MYH7: variants seen among roughly 807,000 people sequenced by gnomAD.
MYH7 encodes the protein myosin-7.
In MYH7, 129 loss-of-function variants were observed where a neutral mutation model predicts 225.4. The ratio of observed to expected loss-of-function variants is 0.57; its 90% CI spans 0.50 to 0.66. The LOEUF (loss-of-function observed/expected upper bound fraction) is 0.66. MYH7 is among the 30% of genes least tolerant of loss of function. The pLI is 0.00. For synonymous variants in MYH7, 971 were observed against 1,007.6 expected, an observed-to-expected ratio of 0.96 and a Z score of 0.69; for missense variants, 1,649 against 2,517.0, an observed-to-expected ratio of 0.66 and a Z score of 7.38.
intron 37 of MYH7, among the ~76,000 whole-genome samples, chr14:23,414,683 G>A (rs909845182): frequency 2.0e-5 from 3 of 152,106 alleles, no homozygotes; most frequent in Admixed American, 1.3e-4. Flanking sequence ...GGTGTCTTTT[G>A]GGGGTGACCC....
At chr14:23,432,368 G>C (rs1236476001) in intron 6 of MYH7, 111 bp downstream of exon 6, 22 of 1,360,012 alleles carry the variant, frequency 1.6e-5, no homozygotes, top group Non-Finnish European at 2.2e-5. Flanking sequence ...ATGGGCACGA[G>C]GTTGGGGGGA....
intron 39 of MYH7, among the ~76,000 whole-genome samples, chr14:23,413,386 G>A (rs544339056): frequency 6.6e-6 from 1 of 152,172 alleles, no homozygotes; most frequent in East Asian, 1.9e-4. Flanking sequence ...AGACCAGCCT[G>A]GCCAACATGG....
chr14:23,415,808 C>T lies in MYH7; in HGVS notation c.4978G>A (p.Ala1660Thr). The T allele has an allele frequency of 6.2e-7, 1 of 1,614,232 alleles. No homozygotes were observed. Among genetic ancestry groups the T allele is most frequent in the Non-Finnish European group, 8.5e-7 (1 of 1,180,052 alleles). Residue 1660 changes from alanine (A) to threonine (T), a missense_variant, in exon 35 of 40, where the codon GCA (alanine) becomes ACA (threonine). Coordinates refer to ENST00000355349, the MANE Select transcript of MYH7 (RefSeq NM_000257.4). This position sits in a 1 kb window ranked among gnomAD's most constrained non-coding sequence, Gnocchi z 6.3. ...LKDTQIQLDD[A>T]VRANDDLKEN... ...TTCAGGTCGTCGTTGGCACGGACTG[C>T]ATCGTCCAGCTGAATCTGGGTGTCC... is the stretch of plus-strand genomic sequence containing the variant.
intron 25 of MYH7, chr14:23,421,796 C>T (rs1398685808): frequency 1.0e-6 from 1 of 985,374 alleles, no homozygotes; most frequent in Non-Finnish European, 1.2e-6. Flanking sequence ...TTTCTTGGTG[C>T]CCTGTGGGCT....
Position 23,416,151 on chromosome 14 carries a change from G to A in MYH7, c.4806C>T (p.Asp1602=), listed in dbSNP as rs142034311. 6.6e-4 allele frequency: 1,056 copies of A among 1,599,966 alleles called. 1 individual carries two copies. Among genetic ancestry groups the A allele is most frequent in the African/African-American group, 3.4e-3 (239 of 70,218 alleles). ...CCTCGTTGCGGCTGCGTGTCTCTGC[G>A]TCCAGGGAGGTCTGCAGCGAGTCCA... ...RVVDSLQTSL[D]AETRSRNEAL... is the part of the protein sequence containing the mutation. Residue 1602 remains aspartate (D), a synonymous_variant, in exon 34 of 40, where the codon GAC becomes GAT. Coordinates refer to ENST00000355349, the MANE Select transcript of MYH7 (RefSeq NM_000257.4).
rs113859723 is a variant in MYH7 at position 23,422,178 on chromosome 14, A to C, written c.3245+2T>G. 34 of 1,612,582 alleles carry C rather than the reference A, an allele frequency of 2.1e-5. No individual in the cohort carries two copies. Among genetic ancestry groups the C allele is most frequent in the Non-Finnish European group, 2.9e-5 (34 of 1,180,022 alleles). On this transcript the variant is annotated splice_donor_variant, in intron 25 of 39. Coordinates refer to ENST00000355349, the MANE Select transcript of MYH7 (RefSeq NM_000257.4). LOFTEE classifies it high-confidence loss of function. ...AAGGGCAGCAGGGAGGGGACACAGT[A>C]CTTTTTCAGCCGCTCATCCAGCTGC...
rs1892426856 is a variant in MYH7, at chr14:23,420,298, T to G, written c.3337-64A>C. Reference sequence around the variant, plus strand: ...CCCTCCACTGGAATCCCCCCGGCTCTAAAAGGCTCTCGGCTTCTCTGGAAC... The same window carrying G: ...CCCTCCACTGGAATCCCCCCGGCTCGAAAAGGCTCTCGGCTTCTCTGGAAC... On this transcript the variant is annotated intron_variant, in intron 26 of 39. Coordinates refer to ENST00000355349, the MANE Select transcript of MYH7 (RefSeq NM_000257.4). 12 of 1,578,660 alleles carry G rather than the reference T, an allele frequency of 7.6e-6. No homozygotes were observed. The South Asian group carries it at 1.1e-4, about 15-fold the overall frequency.
chr14:23,432,242 A>G (rs1892975317), intron 6 of MYH7, among the ~76,000 whole-genome samples: 1 of 152,190 alleles, frequency 6.6e-6, no homozygotes, highest in Admixed American at 6.5e-5. Flanking sequence ...TAAACGCGTG[A>G]TGAGTTGGAG....
In MYH7 at chr14:23,433,223, A is replaced by G; in HGVS notation, c.206T>C (p.Val69Ala). The G allele has an allele frequency of 6.2e-7, 1 of 1,614,122 alleles. No homozygotes were observed. Among genetic ancestry groups the G allele is most frequent in the Non-Finnish European group, 8.5e-7 (1 of 1,180,016 alleles). Reference sequence around the variant, plus strand: ...CATCACCTGGTCCTCCTTCACGGTCACTGTCTGCAAGAGCCCCCACCCAAG... The same window carrying G: ...CATCACCTGGTCCTCCTTCACGGTCGCTGTCTGCAAGAGCCCCCACCCAAG... The part of the protein sequence containing the change: ...VTAETEYGKT[V>A]TVKEDQVMQQ... Residue 69 changes from valine (V) to alanine (A), a missense_variant, in exon 4 of 40, where the codon GTG (valine) becomes GCG (alanine). Physicochemically the swap from Val to Ala is moderately conservative, Grantham distance 64 (BLOSUM62 0). Around this residue, in one of 12 missense-constraint regions of MYH7, gnomAD observed 91 missense variants for 96.5 expected, o/e 0.94. Coordinates refer to ENST00000355349, the MANE Select transcript of MYH7 (RefSeq NM_000257.4). This position sits in a 1 kb window ranked among gnomAD's most constrained non-coding sequence, Gnocchi z 4.1.
intron 39 of MYH7, 77 bp downstream of exon 39, chr14:23,413,682 C>A (rs932847553): frequency 1.8e-5 from 28 of 1,594,078 alleles, no homozygotes; most frequent in Admixed American, 5.2e-5. Context: ...GAAAAGGAAG[C>A]ATCCCGGGTT....
At chr14:23,422,366 C>A (rs1566529395) in intron 24 of MYH7, 41 bp from the exon 25 acceptor site, 2 of 1,613,874 alleles carry the variant, frequency 1.2e-6, no homozygotes, top group African/African-American at 2.7e-5. Context: ...GGCAAAGCAT[C>A]CTGACTTGGT....
In MYH7 at chr14:23,427,762, C is replaced by T. The variant is rs730880879; in HGVS notation, c.1711G>A (p.Gly571Arg). 3.7e-6 allele frequency: 6 copies of T among 1,614,146 alleles called. No individual in the cohort carries two copies. Among genetic ancestry groups the T allele is most frequent in the Non-Finnish European group, 5.1e-6 (6 of 1,180,022 alleles). ...ANFQKPRNIK[G>R]KPEAHFSLIH... is the part of the protein sequence containing the mutation. ...AGGGAGAAGTGGGCTTCAGGCTTCCCCTTGATATTGCGTGGCTTCTGGAAG... is the reference window on the plus strand; with the variant it reads ...AGGGAGAAGTGGGCTTCAGGCTTCCTCTTGATATTGCGTGGCTTCTGGAAG... Residue 571 changes from glycine to arginine, a missense_variant, in exon 16 of 40, where the codon GGG becomes AGG. Around this residue, in one of 12 missense-constraint regions of MYH7, gnomAD observed 112 missense variants for 161.9 expected, o/e 0.69. Coordinates refer to ENST00000355349, the MANE Select transcript of MYH7 (RefSeq NM_000257.4).
At chr14:23,426,944 GA>G in intron 17 of MYH7, 80 bp from the exon 18 acceptor site, 1 of 1,122,174 alleles carries the variant, frequency 8.9e-7, no homozygotes, top group Admixed American at 1.9e-5. Context: ...AAGAAGGAAG[GA>G]AAAGAGAGAT....
rs377745688 is a variant in MYH7 at position 23,419,839 on chromosome 14, G to A, written c.3726+6C>T. 211 of 1,613,836 alleles carry A rather than the reference G, an allele frequency of 1.3e-4. No homozygotes were observed. Among genetic ancestry groups the A allele is most frequent in the Non-Finnish European group, 1.7e-4 (206 of 1,179,890 alleles). On this transcript the variant is annotated splice_donor_region_variant and intron_variant, in intron 27 of 39. Coordinates refer to ENST00000355349, the MANE Select transcript of MYH7 (RefSeq NM_000257.4). ...GTTGGAGGAGGGGAGGCCGAGCAGAGCCTGCCTTGGCCTTGATGATCTGCT... is the reference window on the plus strand; with the variant it reads ...GTTGGAGGAGGGGAGGCCGAGCAGAACCTGCCTTGGCCTTGATGATCTGCT...
chr14:23,430,661 T>A lies in MYH7; in HGVS notation c.898A>T (p.Met300Leu), dbSNP rs759998697. Residue 300 changes from methionine to leucine, a missense_variant and splice_region_variant, in exon 11 of 40, where the codon ATG becomes TTG. Coordinates refer to ENST00000355349, the MANE Select transcript of MYH7 (RefSeq NM_000257.4). ...TAGGGGTTGTTGGTGATCAGCAGCA[T>A]GTCTAGGGGAAAAAACATGGTTAGG... ...LSNKKPELLD[M>L]LLITNNPYDY... 24 of 1,613,242 alleles carry A rather than the reference T, an allele frequency of 1.5e-5. No individual in the cohort carries two copies. The highest frequency in any genetic ancestry group is 1.9e-5 in the Non-Finnish European group (22 of 1,179,332).
rs1298804415 is a variant in MYH7 at position 23,423,665 on chromosome 14, T to G, written c.2981A>C (p.Lys994Thr). The G allele has an allele frequency of 6.2e-7, 1 of 1,614,140 alleles. No individual in the cohort carries two copies. Among genetic ancestry groups the G allele is most frequent in the Non-Finnish European group, 8.5e-7 (1 of 1,180,028 alleles). The change falls in exon 24 of 40, where the codon AAG becomes ACG. Residue 994 changes from lysine to threonine, a missense_variant. Physicochemically the swap from Lys to Thr is moderately conservative, Grantham distance 78. This residue lies in a region of MYH7 where 282 missense variants were observed against 315.3 expected (regional missense o/e 0.89). Coordinates refer to ENST00000355349, the MANE Select transcript of MYH7 (RefSeq NM_000257.4). ...GLDEIIAKLT[K>T]EKKALQEAHQ... ...GGCCTCTTGCAGAGCTTTCTTCTCC[T>G]TGGTCAGCTTGGCAATGATCTCATC...
rs1204655254 is a variant in MYH7, at chr14:23,425,679, A to C, written c.2286+16T>G. 1 of 1,613,846 alleles carries C rather than the reference A, an allele frequency of 6.2e-7. No homozygotes were observed. Among genetic ancestry groups the C allele is most frequent in the Non-Finnish European group, 8.5e-7 (1 of 1,179,838 alleles). ...AAGAGATGTCTTCCTTTAATTAATT[A>C]GTCTCCTTTCCTCACCTTGGTGTGG... On this transcript the variant is annotated intron_variant, in intron 20 of 39. Coordinates refer to ENST00000355349, the MANE Select transcript of MYH7 (RefSeq NM_000257.4). The surrounding 1 kb of genome is among the most constrained non-coding windows in gnomAD (Gnocchi z 4.6).
intron 31 of MYH7, 36 bp from the exon 32 acceptor site, chr14:23,417,354 G>A (rs1279363699): frequency 1.2e-6 from 2 of 1,612,518 alleles, no homozygotes; most frequent in Admixed American, 1.7e-5. Context: ...CAGCCCCCCA[G>A]CCTCAGCCCC....
Position 23,425,447 on chromosome 14 carries a change from C to A in MYH7, c.2287-29G>T. 6.2e-7 allele frequency: 1 copy of A among 1,613,970 alleles called. No individual in the cohort carries two copies. The highest frequency in any genetic ancestry group is 8.5e-7 in the Non-Finnish European group (1 of 1,180,020). On this transcript the variant is annotated intron_variant, in intron 20 of 39. Transcript: ENST00000355349. The surrounding 1 kb of genome is among the most constrained non-coding windows in gnomAD (Gnocchi z 4.6). ...CAGGCAAGGTGTGTGTTGGCCATGA[C>A]TAGGGAGGGGTACGAGGGAAAGAGA...
Sources: allele counts gnomAD v4.1 joint callset (sites outside exome capture counted in the v4.1 genomes callset), GRCh38; gene constraint gnomAD v4.1.1; regional missense constraint gnomAD v4.1.1; non-coding constraint Gnocchi (gnomAD v3.1); transcripts MANE v1.5; gene names NCBI Gene and HGNC (gene_info 2026-07-23, HGNC 2026-07-21).